Variants in RNF144A observed in about 807,000 individuals in gnomAD.
RNF144A encodes ring finger protein 144A.
Under a neutral mutation model 38.7 loss-of-function variants are expected in RNF144A, and 11 were observed. That is an observed-to-expected ratio of 0.28 (90% CI 0.18 to 0.47). RNF144A has a LOEUF of 0.47. Among genes scored for constraint, RNF144A ranks in the 20% least tolerant of loss-of-function variants. The pLI is 0.99. For missense variants in RNF144A, 316 were observed against 377.2 expected (o/e 0.84, Z 1.34); for synonymous variants, 149 against 143.9 (o/e 1.04, Z -0.25).
chr2:7,036,610 G>A (rs1005749409), intron 8 of RNF144A, among the ~76,000 whole-genome samples: 5 of 152,174 alleles, frequency 3.3e-5, no homozygotes, highest in African/African-American at 7.2e-5. Flanking sequence ...TTGGACCTCT[G>A]GAATAGCTTT....
At position 6,933,683 on chromosome 2, in the gene RNF144A, T is replaced by TA. The variant is rs370423466; in HGVS notation, c.-211-7263dup. On this transcript the variant is annotated intron_variant, in intron 1 of 8. Coordinates refer to ENST00000320892, the MANE Select transcript of RNF144A (RefSeq NM_014746.6). ...AGCAATTGCCCACAGGTTTTTTTTT[T>TA]AATTTTAATTCTTCTAGAAAAATTG... 1.8e-3 allele frequency among the ~76,000 whole-genome samples: 270 copies of TA among 150,224 alleles called. 3 individuals carry two copies. The highest frequency in any genetic ancestry group is 6.2e-3 in the African/African-American group (254 of 41,150).
chr2:6,938,941 T>C (rs932374445), intron 1 of RNF144A, among the ~76,000 whole-genome samples: 5 of 152,228 alleles, frequency 3.3e-5, no homozygotes, highest in Admixed American at 2.6e-4. Flanking sequence ...CCAAATCCAT[T>C]GCATAGATTT....
downstream of RNF144A, among the ~76,000 whole-genome samples, chr2:7,069,926 G>C (rs1394845546): frequency 6.6e-6 from 1 of 152,188 alleles, no homozygotes; most frequent in Non-Finnish European, 1.5e-5. Flanking sequence ...TCTCCTGCTT[G>C]AACTTTTCAA....
At chr2:7,014,849 G>A (rs1671039296) in intron 5 of RNF144A, 77 bp downstream of exon 5, 4 of 1,035,796 alleles carry the variant, frequency 3.9e-6, no homozygotes, top group East Asian at 2.4e-5. Context: ...AGTTCTTTTG[G>A]TAGATATGGT....
At chr2:6,924,965 G>T (rs1384643156) in intron 1 of RNF144A, among the ~76,000 whole-genome samples, 1 of 152,210 alleles carries the variant, frequency 6.6e-6, no homozygotes, top group African/African-American at 2.4e-5. Context: ...AGACCTTGGG[G>T]CTGGCTCTTT....
At chr2:6,975,973 G>A (rs909217504) in intron 2 of RNF144A, among the ~76,000 whole-genome samples, 2 of 152,226 alleles carry the variant, frequency 1.3e-5, no homozygotes, top group East Asian at 1.9e-4. Context: ...TGGATAGAAG[G>A]CTTTTTCATC....
In RNF144A at chr2:6,965,640, C is replaced by T. The variant is rs114930337; in HGVS notation, c.-12+24493C>T. On this transcript the variant is annotated intron_variant, in intron 2 of 8. Coordinates refer to ENST00000320892, the MANE Select transcript of RNF144A (RefSeq NM_014746.6). ...TGTGGTGGCGCAGAGCTTCGGGAAA[C>T]GGGACAGGATTGCATCTTCAGGATG... Among the ~76,000 whole-genome samples the T allele has an allele frequency of 5.2e-3, 792 of 152,172 alleles. 9 individuals carry two copies. The highest frequency in any genetic ancestry group is 0.018 in the African/African-American group (740 of 41,492).
chr2:6,956,547 C>T (rs1489169372), intron 2 of RNF144A, among the ~76,000 whole-genome samples: 1 of 152,172 alleles, frequency 6.6e-6, no homozygotes, highest in African/African-American at 2.4e-5. Flanking sequence ...GGCTTTATGG[C>T]ACCATGGAAT....
At chr2:6,957,303 C>T (rs75541284) in intron 2 of RNF144A, among the ~76,000 whole-genome samples, 2,941 of 152,344 alleles carry the variant, frequency 0.019, 35 homozygotes, top group South Asian at 0.033. Flanking sequence ...CTGGCATCTG[C>T]TCCGGTGTTG....
At chr2:7,021,823 G>A (rs1671551686) in intron 6 of RNF144A, among the ~76,000 whole-genome samples, 1 of 152,258 alleles carries the variant, frequency 6.6e-6, no homozygotes, top group South Asian at 2.1e-4. Flanking sequence ...TATACTTCAC[G>A]TGTACTTGGC....
intron 1 of RNF144A, among the ~76,000 whole-genome samples, chr2:6,935,826 G>A (rs1018118454): frequency 1.3e-5 from 2 of 152,226 alleles, no homozygotes; most frequent in African/African-American, 4.8e-5. Context: ...TGTCGGCATG[G>A]CAATCTGCAC....
intron 3 of RNF144A, among the ~76,000 whole-genome samples, chr2:6,999,370 C>T (rs950578579): frequency 1.3e-5 from 2 of 152,138 alleles, no homozygotes; most frequent in African/African-American, 2.4e-5. Flanking sequence ...GGCTGCAGGT[C>T]GCCCCAAGCT....
At chr2:6,961,225 G>A (rs754059693) in intron 2 of RNF144A, among the ~76,000 whole-genome samples, 1 of 152,042 alleles carries the variant, frequency 6.6e-6, no homozygotes, top group Non-Finnish European at 1.5e-5. Flanking sequence ...CTGCATCACA[G>A]AAAGGTCTAT....
chr2:6,990,385 T>TACACACACAC (rs60196595), intron 2 of RNF144A, among the ~76,000 whole-genome samples: 21 of 123,898 alleles, frequency 1.7e-4, no homozygotes, highest in Non-Finnish European at 3.0e-4. Context: ...TATATATATT[T>TACACACACAC]ACACACACAC....
At chr2:7,044,623 G>A (rs956517663), downstream of RNF144A, among the ~76,000 whole-genome samples, 1 of 152,152 alleles carries the variant, frequency 6.6e-6, no homozygotes, top group African/African-American at 2.4e-5. Flanking sequence ...GCTGGGGGTG[G>A]GGAGAAAGTG....
chr2:7,060,912 T>C (rs1016145221), intron 6 of RNF144A, among the ~76,000 whole-genome samples: 1 of 152,200 alleles, frequency 6.6e-6, no homozygotes, highest in African/African-American at 2.4e-5. Context: ...GTATTCCTTT[T>C]TGGCATGTAG....
intron 1 of RNF144A, among the ~76,000 whole-genome samples, chr2:6,919,050 T>G (rs1664360839): frequency 1.3e-5 from 2 of 152,162 alleles, no homozygotes; most frequent in Non-Finnish European, 1.5e-5. Context: ...GTAAATGAAA[T>G]GCCAGGTAGA....
At chr2:7,056,329 A>ACCTAACTT (rs1348140121) in intron 6 of RNF144A, among the ~76,000 whole-genome samples, 1 of 151,944 alleles carries the variant, frequency 6.6e-6, no homozygotes, top group Non-Finnish European at 1.5e-5. Context: ...TTCCCTTACA[A>ACCTAACTT]CCTAACTTCT....
intron 6 of RNF144A, among the ~76,000 whole-genome samples, chr2:7,063,372 C>T (rs910997790): frequency 2.0e-5 from 3 of 152,092 alleles, no homozygotes; most frequent in Admixed American, 1.3e-4. Flanking sequence ...ATGGTTGATA[C>T]AGGAGGAAGA....
Sources: allele counts gnomAD v4.1 joint callset (sites outside exome capture counted in the v4.1 genomes callset), GRCh38; gene constraint gnomAD v4.1.1; transcripts MANE v1.5; gene names NCBI Gene and HGNC (gene_info 2026-07-23, HGNC 2026-07-21).